Variants in NME9 observed in about 807,000 individuals in gnomAD.
The protein encoded by NME9 is NME/NM23 family member 9.
NME9 carries 48 observed loss-of-function variants against 44.4 expected under a neutral mutation model. That is an observed-to-expected ratio of 1.08 (90% CI 0.86 to 1.37). NME9 has a LOEUF of 1.37. Among genes scored for constraint, NME9 ranks in the 40% most tolerant of loss-of-function variants. The probability of loss-of-function intolerance (pLI) is 0.00; values close to 1 mark genes in which losing one functional copy is unlikely to be tolerated. For missense variants in NME9, 325 were observed against 405.2 expected, an observed-to-expected ratio of 0.80 and a Z score of 1.70; for synonymous variants, 139 against 147.1, an observed-to-expected ratio of 0.94 and a Z score of 0.40.
Position 138,279,010 on chromosome 3 carries a change from A to G in NME9, c.746-16424T>C, listed in dbSNP as rs115337326. Among the ~76,000 whole-genome samples, 1,102 of 152,250 alleles carry G rather than the reference A, an allele frequency of 7.2e-3. 11 individuals carry two copies. Among genetic ancestry groups the G allele is most frequent in the African/African-American group, 0.025 (1,032 of 41,554 alleles). On this transcript the variant is annotated intron_variant, in intron 8 of 8. Coordinates refer to the NME9 transcript ENST00000317876. The stretch of plus-strand genomic sequence containing the variant: ...CTTTATTTCTTACTTTCCAATCTAT[A>G]TGCTATTTTGTTTTTCTTGTTTCAT...
At chr3:138,290,215 A>G (rs1036698229) in intron 8 of NME9, among the ~76,000 whole-genome samples, 1 of 152,166 alleles carries the variant, frequency 6.6e-6, no homozygotes, top group Non-Finnish European at 1.5e-5. Context: ...ATGTCCTGAA[A>G]GAAGTGGTGA....
chr3:138,282,251 T>G lies in NME9; in HGVS notation c.746-19665A>C, dbSNP rs1156292796. On this transcript the variant is annotated intron_variant, in intron 8 of 8. Transcript: ENST00000317876. ...GCTTGCTAAGGCTTTCTGTAATCACTTTAAGGAATTCGAGCAGAACTAGAA... is the reference window on the plus strand; with the variant it reads ...GCTTGCTAAGGCTTTCTGTAATCACGTTAAGGAATTCGAGCAGAACTAGAA... 3.3e-5 allele frequency among the ~76,000 whole-genome samples: 5 copies of G among 152,220 alleles called. No individual in the cohort carries two copies. The East Asian group carries it at 9.6e-4, about 29-fold the overall frequency.
intron 8 of NME9, chr3:138,287,557 G>A (rs2050550236): frequency 2.2e-6 from 1 of 450,140 alleles, no homozygotes; most frequent in Non-Finnish European, 4.5e-6. Context: ...GTATATACAA[G>A]CTCATTTATT....
intron 8 of NME9, among the ~76,000 whole-genome samples, chr3:138,270,472 G>A (rs2108295731): frequency 6.6e-6 from 1 of 152,188 alleles, no homozygotes; most frequent in East Asian, 1.9e-4. Context: ...TATCTCCTTT[G>A]CTCTTCAGAA....
intron 8 of NME9, among the ~76,000 whole-genome samples, chr3:138,276,256 A>AT (rs1270114539): frequency 1.3e-5 from 2 of 152,178 alleles, no homozygotes; most frequent in East Asian, 1.9e-4. Context: ...CTGATAAATT[A>AT]TTTTTTTGAC....
chr3:138,320,321 T>C (rs1326020842), intron 2 of NME9, among the ~76,000 whole-genome samples: 4 of 152,196 alleles, frequency 2.6e-5, no homozygotes, highest in African/African-American at 4.8e-5. Context: ...AAGGGCTAGA[T>C]GGTGACATAC....
chr3:138,320,561 G>T (rs372895623), intron 2 of NME9, among the ~76,000 whole-genome samples: 1 of 152,206 alleles, frequency 6.6e-6, no homozygotes, highest in Non-Finnish European at 1.5e-5. Flanking sequence ...CATCAAGTGA[G>T]AACTATTAAT....
intron 8 of NME9, among the ~76,000 whole-genome samples, chr3:138,271,798 C>CTTTTTTTTTTTTTTTTTTTTTTTTTT (rs776320900): frequency 5.9e-5 from 8 of 136,134 alleles, no homozygotes; most frequent in African/African-American, 2.0e-4. Flanking sequence ...TTTTTTCTTT[C>CTTTTTTTTTTTTTTTTTTTTTTTTTT]TTTTTTTTTT....
intron 8 of NME9, among the ~76,000 whole-genome samples, chr3:138,282,425 A>G (rs954696964): frequency 6.6e-6 from 1 of 152,100 alleles, no homozygotes; most frequent in Non-Finnish European, 1.5e-5. Flanking sequence ...GGGCGGGTGG[A>G]TCATGAGGTC....
chr3:138,329,621 C>T lies in NME9; in HGVS notation c.-286G>A. On this transcript the variant is annotated 5_prime_UTR_variant, in exon 1 of 11. Transcript: ENST00000333911. ...GCCCCCTCCCCACCCCGGAGCCGGC[C>T]AGGGGGCGCGCGCAGAGGCCGGAGT... The T allele has an allele frequency of 7.7e-7, 1 of 1,295,528 alleles. No individual in the cohort carries two copies. The highest frequency in any genetic ancestry group is 9.8e-7 in the Non-Finnish European group (1 of 1,022,576). The allele number at this position is 1,295,528 out of a possible 1,614,324, so 80.3% of individuals were successfully genotyped here.
At chr3:138,318,339 C>T (rs1028875584) in intron 3 of NME9, 120 bp from the exon 4 acceptor site, 12 of 711,146 alleles carry the variant, frequency 1.7e-5, no homozygotes, top group South Asian at 4.6e-5. Flanking sequence ...GGTAGAGCCC[C>T]GATTTGCTCT....
chr3:138,297,020 C>T (rs1163040971), downstream of NME9: 1 of 152,144 alleles, frequency 6.6e-6, no homozygotes, highest in African/African-American at 2.4e-5. Context: ...TACAGACACC[C>T]CTGTAGAAAG....
intron 1 of NME9, 114 bp downstream of exon 1, chr3:138,329,189 G>T: frequency 1.1e-6 from 1 of 935,276 alleles, no homozygotes; most frequent in Non-Finnish European, 1.6e-6. Flanking sequence ...TGAGAACACT[G>T]TCACGTACTG....
At chr3:138,288,936 C>A (rs1328393051) in intron 8 of NME9, 2 of 814,338 alleles carry the variant, frequency 2.5e-6, no homozygotes, top group Admixed American at 4.8e-5. Context: ...CTCACCTGGC[C>A]CTGCTTCAGA....
intron 6 of NME9, 105 bp downstream of exon 6, chr3:138,314,227 T>C: frequency 1.7e-6 from 1 of 604,250 alleles, no homozygotes; most frequent in Non-Finnish European, 2.9e-6. Context: ...AAAAATCTTC[T>C]CATAGTTCAG....
At chr3:138,292,998 A>G (rs945577616) in intron 8 of NME9, among the ~76,000 whole-genome samples, 3 of 152,120 alleles carry the variant, frequency 2.0e-5, no homozygotes, top group Non-Finnish European at 4.4e-5. Flanking sequence ...TCAGGTTGCT[A>G]TGTCCTCCAA....
At chr3:138,311,047 A>G (rs961183538) in intron 6 of NME9, among the ~76,000 whole-genome samples, 6 of 152,184 alleles carry the variant, frequency 3.9e-5, no homozygotes, top group Non-Finnish European at 7.4e-5. Flanking sequence ...AAAATCAGAA[A>G]GAAAATGGAG....
intron 8 of NME9, chr3:138,290,446 G>C: frequency 1.2e-6 from 1 of 830,004 alleles, no homozygotes; most frequent in South Asian, 1.6e-5. Flanking sequence ...AGGAGGAGTA[G>C]GGAGTGAAGG....
intron 6 of NME9, among the ~76,000 whole-genome samples, chr3:138,311,722 G>A (rs148232261): frequency 7.9e-5 from 12 of 152,144 alleles, no homozygotes; most frequent in East Asian, 7.7e-4. Context: ...AAAACACTGG[G>A]TATAGAAGGA....
Sources: gnomAD v4.1 joint callset for allele counts (sites outside exome capture counted in the v4.1 genomes callset) on GRCh38, gnomAD v4.1.1 for gene constraint, MANE v1.5 for transcripts, NCBI Gene and HGNC (gene_info 2026-07-23, HGNC 2026-07-21) for gene names.